The following THSD4 variants were observed in gnomAD, a reference collection of about 807,000 sequenced individuals.
The protein encoded by THSD4 is thrombospondin type 1 domain containing 4.
THSD4 carries 69 observed loss-of-function variants against 119.0 expected under a neutral mutation model. The observed-to-expected ratio is 0.58, with a 90% CI of 0.48 to 0.71. The LOEUF is 0.71. Among genes scored for constraint, THSD4 ranks in the 30% least tolerant of loss-of-function variants. THSD4 has a pLI of 0.00. For synonymous variants in THSD4, 524 were observed against 540.4 expected (o/e 0.97, Z 0.42); for missense variants, 1,393 against 1,391.1 (o/e 1.00, Z -0.02).
intron 6 of THSD4, among the ~76,000 whole-genome samples, chr15:71,301,084 G>A (rs964319964): frequency 3.3e-5 from 5 of 152,018 alleles, no homozygotes; most frequent in Non-Finnish European, 5.9e-5. Context: ...TTTTCTAATT[G>A]CCTAAAATTT....
chr15:71,500,154 A>T (rs1459047378), intron 7 of THSD4, among the ~76,000 whole-genome samples: 12 of 150,606 alleles, frequency 8.0e-5, no homozygotes, highest in Non-Finnish European at 1.0e-4. Flanking sequence ...GTTATTATCT[A>T]TTTTTTTTTA....
At chr15:71,678,409 C>G (rs2051695279) in intron 8 of THSD4, among the ~76,000 whole-genome samples, 1 of 152,158 alleles carries the variant, frequency 6.6e-6, no homozygotes, top group African/African-American at 2.4e-5. Context: ...TCACTGGGAG[C>G]CTCTCTTCCT....
At chr15:71,456,647 C>T (rs1421603834) in intron 7 of THSD4, among the ~76,000 whole-genome samples, 2 of 152,136 alleles carry the variant, frequency 1.3e-5, no homozygotes, top group African/African-American at 4.8e-5. Context: ...GGAGCCCCAC[C>T]TTGAGGCTGC....
intron 3 of THSD4, among the ~76,000 whole-genome samples, chr15:71,195,145 C>T (rs8027305): frequency 0.071 from 10,732 of 152,144 alleles, 480 homozygotes; most frequent in African/African-American, 0.13. Flanking sequence ...TGGGAAGGTA[C>T]GTAACTGTAC....
At chr15:71,333,511 T>A (rs1320954891) in intron 6 of THSD4, among the ~76,000 whole-genome samples, 3 of 152,208 alleles carry the variant, frequency 2.0e-5, no homozygotes, top group African/African-American at 4.8e-5. Context: ...GTTTTTTTTC[T>A]TGGCCAAGAG....
intron 7 of THSD4, among the ~76,000 whole-genome samples, chr15:71,618,512 G>C (rs1427455453): frequency 6.6e-6 from 1 of 152,190 alleles, no homozygotes; most frequent in Non-Finnish European, 1.5e-5. Flanking sequence ...ATATACCCCG[G>C]CATCACAGGC....
chr15:71,682,235 G>T (rs1036951055), intron 8 of THSD4, among the ~76,000 whole-genome samples: 3 of 152,256 alleles, frequency 2.0e-5, no homozygotes, highest in Non-Finnish European at 4.4e-5. Flanking sequence ...TGTCTGGCCA[G>T]AGCCATTGGC....
intron 4 of THSD4, among the ~76,000 whole-genome samples, chr15:71,220,476 AGGGGCTTCATCTTTCAAAT>A (rs1246869849): frequency 1.3e-5 from 2 of 152,224 alleles, no homozygotes; most frequent in African/African-American, 2.4e-5. Context: ...TCTGAGCCTC[AGGGGCTTCATCTTTCAAAT>A]GAGAGTAATA....
intron 3 of THSD4, among the ~76,000 whole-genome samples, chr15:71,170,066 C>T (rs577147746): frequency 3.3e-5 from 5 of 152,194 alleles, no homozygotes; most frequent in East Asian, 3.9e-4. Flanking sequence ...CCCAGCTACT[C>T]GGGAAGCTGA....
chr15:71,553,955 G>A (rs553478365), intron 7 of THSD4, among the ~76,000 whole-genome samples: 1 of 152,026 alleles, frequency 6.6e-6, no homozygotes, highest in South Asian at 2.1e-4. Context: ...TTAAATAAGT[G>A]TTATTGGCTC....
chr15:71,340,741 G>A (rs758544926), intron 6 of THSD4, among the ~76,000 whole-genome samples: 5 of 151,836 alleles, frequency 3.3e-5, no homozygotes, highest in Non-Finnish European at 7.4e-5. Flanking sequence ...GAGTAGCTGA[G>A]ATTACAGGTG....
intron 6 of THSD4, among the ~76,000 whole-genome samples, chr15:71,289,388 A>G (rs774525156): frequency 1.3e-5 from 2 of 152,130 alleles, no homozygotes; most frequent in Non-Finnish European, 2.9e-5. Flanking sequence ...GTTGCACTGG[A>G]CGCCAAGCAG....
intron 13 of THSD4, 132 bp from the exon 14 acceptor site, chr15:71,748,289 C>T: frequency 1.8e-6 from 2 of 1,112,318 alleles, no homozygotes; most frequent in Non-Finnish European, 2.6e-6. Context: ...AGATCCCTGC[C>T]CCAGCTGGTG....
At position 71,490,559 on chromosome 15, in the gene THSD4, C is replaced by CAAAAAAA. The variant is rs11408465; in HGVS notation, c.1152+78751_1152+78757dup. The stretch of plus-strand genomic sequence containing the variant: ...TGGGTGACAGAGCAAGACTCCGTCT[C>CAAAAAAA]AAAAAAAAAAAAAAAAAAAAACATT... On this transcript the variant is annotated intron_variant, in intron 7 of 17. Transcript: ENST00000261862. Among the ~76,000 whole-genome samples the CAAAAAAA allele has an allele frequency of 3.7e-4, 34 of 90,904 alleles. 1 individual carries two copies. The highest frequency in any genetic ancestry group is 3.5e-4 in the Non-Finnish European group (18 of 50,728). The allele number at this position is 90,904 out of a possible 152,430, so 59.6% of individuals were successfully genotyped here. A position where few individuals can be genotyped will look rare whatever the true frequency, so the allele number is the denominator to read the frequency against.
At chr15:71,562,649 A>T (rs951844256) in intron 7 of THSD4, among the ~76,000 whole-genome samples, 1 of 149,414 alleles carries the variant, frequency 6.7e-6, no homozygotes, top group Non-Finnish European at 1.5e-5. Context: ...CTTCATGCCT[A>T]TTCTAAGTCC....
At chr15:71,710,176 C>G (rs1334973944) in intron 8 of THSD4, among the ~76,000 whole-genome samples, 1 of 152,156 alleles carries the variant, frequency 6.6e-6, no homozygotes, top group East Asian at 1.9e-4. Flanking sequence ...GTTCAAATAA[C>G]ATAAAATATT....
intron 3 of THSD4, among the ~76,000 whole-genome samples, chr15:71,177,876 CAAAGACA>C (rs1450320330): frequency 6.7e-6 from 1 of 149,650 alleles, no homozygotes; most frequent in Admixed American, 6.7e-5. Context: ...TAAACAGAAC[CAAAGACA>C]AAAACCACAT....
In THSD4 at chr15:71,522,464, G is replaced by A. The variant is rs1595854433; in HGVS notation, c.1152+110641G>A. Among the ~76,000 whole-genome samples, 3 of 152,108 alleles carry A rather than the reference G, an allele frequency of 2.0e-5. No homozygotes were observed. In the East Asian group the frequency reaches 5.8e-4, roughly 29 times the overall value. ...CTCTGAAGGTATGGGGTTAGGAGTG[G>A]GGATGAGGGAGGTCCAGGACAATAA... On this transcript the variant is annotated intron_variant, in intron 7 of 17. Coordinates refer to ENST00000261862, the MANE Select transcript of THSD4 (RefSeq NM_024817.3).
At chr15:71,721,448 C>T (rs1243438879) in intron 8 of THSD4, among the ~76,000 whole-genome samples, 1 of 151,894 alleles carries the variant, frequency 6.6e-6, no homozygotes, top group African/African-American at 2.4e-5. Flanking sequence ...GCGGAGGTTG[C>T]AGTGAGCTGA....
Sources: allele counts gnomAD v4.1 joint callset (sites outside exome capture counted in the v4.1 genomes callset), GRCh38; gene constraint gnomAD v4.1.1; transcripts MANE v1.5; gene names NCBI Gene and HGNC (gene_info 2026-07-23, HGNC 2026-07-21).